Variants in LAPTM4B observed in about 807,000 individuals in gnomAD.
LAPTM4B encodes lysosomal protein transmembrane 4 beta, also known as lysosomal-associated transmembrane protein 4B.
LAPTM4B carries 26 observed loss-of-function variants against 28.5 expected under a neutral mutation model. The ratio of observed to expected loss-of-function variants is 0.91; its 90% CI spans 0.67 to 1.27. The LOEUF is 1.27. Ranked by LOEUF, LAPTM4B falls within the 50% of genes most tolerant of loss-of-function variation. LAPTM4B has a pLI of 0.00. For missense variants in LAPTM4B, 288 were observed against 285.8 expected, an observed-to-expected ratio of 1.01 and a Z score of -0.06; for synonymous variants, 109 against 106.4, an observed-to-expected ratio of 1.02 and a Z score of -0.15.
Position 97,846,844 on chromosome 8 carries a change from G to A in LAPTM4B, c.604-4553G>A, listed in dbSNP as rs1817441073. 3.9e-5 allele frequency among the ~76,000 whole-genome samples: 6 copies of A among 152,262 alleles called. No individual in the cohort carries two copies. In the South Asian group the frequency reaches 1.2e-3, roughly 32 times the overall value. On this transcript the variant is annotated intron_variant, in intron 6 of 6. Coordinates refer to ENST00000521545, the MANE Select transcript of LAPTM4B (RefSeq NM_018407.6). ...CAGACTGTTGGGATTATAGGCATGA[G>A]CTACTGTACCCAGCCAGTTTCCCCA...
intron 3 of LAPTM4B, among the ~76,000 whole-genome samples, chr8:97,815,670 G>C (rs1816900480): frequency 1.3e-5 from 2 of 151,996 alleles, no homozygotes; most frequent in Admixed American, 1.3e-4. Context: ...AAGTTCAAGT[G>C]ATTCTCCCAC....
intron 2 of LAPTM4B, 68 bp from the exon 3 acceptor site, chr8:97,815,233 TATTTACAAAATGCCTTTGAGAAGAGAC>T: frequency 1.2e-6 from 1 of 854,600 alleles, no homozygotes; most frequent in South Asian, 1.4e-5. Flanking sequence ...TATGCTAGTT[TATTTACAAAATGCCTTTGAGAAGAGAC>T]TGAAAGTATT....
In LAPTM4B at chr8:97,845,742, A is replaced by G. The variant is rs111793023; in HGVS notation, c.604-5655A>G. On this transcript the variant is annotated intron_variant, in intron 6 of 6. Coordinates refer to ENST00000521545, the MANE Select transcript of LAPTM4B (RefSeq NM_018407.6). ...ACATAGATGGAAAATTTGGCCTGCA[A>G]TTTCAGGGGACTGGTAGATCCTTGC... Among the ~76,000 whole-genome samples the G allele has an allele frequency of 2.2e-3, 328 of 152,078 alleles. 3 individuals are homozygous for G. Among genetic ancestry groups the G allele is most frequent in the African/African-American group, 7.5e-3 (311 of 41,488 alleles).
Position 97,851,871 on chromosome 8 carries a change from C to A in LAPTM4B, c.*397C>A. ...ATAGACAACTTTTTCTTCAGCCATT[C>A]CAGCATAGAGAACAAAACCTTATGG... On this transcript the variant is annotated 3_prime_UTR_variant, in exon 7 of 7. Transcript: ENST00000521545. 1 of 195,050 alleles carries A rather than the reference C, an allele frequency of 5.1e-6. No homozygotes were observed. Among genetic ancestry groups the A allele is most frequent in the Non-Finnish European group, 1.0e-5 (1 of 95,708 alleles). The allele number at this position is 195,050 out of a possible 1,614,324, so 12.1% of individuals were successfully genotyped here.
intron 6 of LAPTM4B, among the ~76,000 whole-genome samples, chr8:97,838,763 A>G (rs1357374664): frequency 6.6e-6 from 1 of 152,196 alleles, no homozygotes; most frequent in East Asian, 1.9e-4. Context: ...CTTCTCGAGT[A>G]CAGTCAGAAA....
chr8:97,781,325 G>A (rs1586317216), intron 1 of LAPTM4B, among the ~76,000 whole-genome samples: 1 of 101,902 alleles, frequency 9.8e-6, no homozygotes, highest in African/African-American at 4.0e-5. Context: ...TATTGCTCAG[G>A]CCGAAGTGCA....
At chr8:97,802,571 C>G (rs1280988476) in intron 1 of LAPTM4B, among the ~76,000 whole-genome samples, 1 of 152,114 alleles carries the variant, frequency 6.6e-6, no homozygotes, top group Non-Finnish European at 1.5e-5. Context: ...TCGGCATGGT[C>G]TTTGCGACCT....
rs188936435 is a variant in LAPTM4B, at chr8:97,849,246, G to A, written c.604-2151G>A. Among the ~76,000 whole-genome samples, 27 of 152,276 alleles carry A rather than the reference G, an allele frequency of 1.8e-4. No individual in the cohort carries two copies. The East Asian group carries it at 4.8e-3, about 27-fold the overall frequency. On this transcript the variant is annotated intron_variant, in intron 6 of 6. Coordinates refer to ENST00000521545, the MANE Select transcript of LAPTM4B (RefSeq NM_018407.6). Reference sequence around the variant, plus strand: ...TAGCCTAAATTGGTTGTCCTTGTCTGTTCTTTCCTAACTTGTCTGCATCCA... The same window carrying A: ...TAGCCTAAATTGGTTGTCCTTGTCTATTCTTTCCTAACTTGTCTGCATCCA...
At position 97,775,952 on chromosome 8, in the gene LAPTM4B, G is replaced by A. The variant is rs530968796; in HGVS notation, c.-58G>A. 1.3e-6 allele frequency: 2 copies of A among 1,506,512 alleles called. No individual in the cohort carries two copies. The highest frequency in any genetic ancestry group is 2.3e-5 in the Admixed American group (1 of 44,110). 93.3% of individuals were successfully genotyped at this position (1,506,512 alleles called of 1,614,324 possible). A position where few individuals can be genotyped will look rare whatever the true frequency, so the allele number is the denominator to read the frequency against. On this transcript the variant is annotated 5_prime_UTR_variant, in exon 1 of 7. Transcript: ENST00000521545. ...AGCAGCGGCGCGGCGGGCTCCAGGC[G>A]AGGCGGTCGACGCTCCTGAAAACTT...
At chr8:97,789,159 C>T (rs187372878) in intron 1 of LAPTM4B, among the ~76,000 whole-genome samples, 149 of 148,982 alleles carry the variant, frequency 1.0e-3, no homozygotes, top group African/African-American at 3.6e-3. Context: ...CTGCAACCTC[C>T]GCCTCCCAGG....
chr8:97,785,793 C>T (rs1290267746), intron 1 of LAPTM4B, among the ~76,000 whole-genome samples: 6 of 152,218 alleles, frequency 3.9e-5, no homozygotes, highest in Non-Finnish European at 8.8e-5. Context: ...CAATCAGTTT[C>T]AACAGTTGAA....
At chr8:97,778,969 A>G (rs1415296731) in intron 1 of LAPTM4B, among the ~76,000 whole-genome samples, 3 of 152,180 alleles carry the variant, frequency 2.0e-5, no homozygotes, top group African/African-American at 4.8e-5. Context: ...GAGCAGGACC[A>G]CTGTAAAACG....
At chr8:97,813,812 G>A (rs775995516) in intron 2 of LAPTM4B, among the ~76,000 whole-genome samples, 21 of 152,080 alleles carry the variant, frequency 1.4e-4, no homozygotes, top group African/African-American at 2.2e-4. Context: ...GATCTCTGTC[G>A]AAAAAATGCA....
intron 2 of LAPTM4B, among the ~76,000 whole-genome samples, chr8:97,808,334 C>T (rs1275048878): frequency 2.0e-5 from 3 of 151,958 alleles, no homozygotes; most frequent in African/African-American, 7.2e-5. Context: ...GTAATCCCAG[C>T]TACTCAGGAG....
chr8:97,805,978 C>T (rs1215301858), intron 2 of LAPTM4B, among the ~76,000 whole-genome samples: 1 of 152,098 alleles, frequency 6.6e-6, no homozygotes, highest in African/African-American at 2.4e-5. Flanking sequence ...ACTGCAGCCT[C>T]ATCATTTTAT....
intron 6 of LAPTM4B, among the ~76,000 whole-genome samples, chr8:97,842,903 G>A (rs1232039724): frequency 6.6e-6 from 1 of 150,420 alleles, no homozygotes; most frequent in East Asian, 2.0e-4. Context: ...TTTAAAGACA[G>A]AGTCTCACGC....
Position 97,775,892 on chromosome 8 carries a change from A to AGCGGGCC in LAPTM4B, c.-116_-110dup. The AGCGGGCC allele has an allele frequency of 6.9e-7, 1 of 1,457,042 alleles. No individual in the cohort carries two copies. Among genetic ancestry groups the AGCGGGCC allele is most frequent in the Non-Finnish European group, 9.0e-7 (1 of 1,110,996 alleles). 90.3% of individuals were successfully genotyped at this position (1,457,042 alleles called of 1,614,324 possible). The stretch of plus-strand genomic sequence containing the variant: ...AGGCAGGCCCGCGGGCGCACGGGCG[A>AGCGGGCC]GCGGGCCGGGAGCCGGAGCGGCGGA... On this transcript the variant is annotated 5_prime_UTR_variant, in exon 1 of 7. Transcript: ENST00000521545.
intron 6 of LAPTM4B, among the ~76,000 whole-genome samples, chr8:97,843,142 A>C (rs895977193): frequency 1.3e-5 from 2 of 151,932 alleles, no homozygotes; most frequent in South Asian, 4.2e-4. Flanking sequence ...CTGCCTCCCA[A>C]AGTGTTAGGA....
chr8:97,776,136 C>G (rs771729760), intron 1 of LAPTM4B, 28 bp downstream of exon 1: 1 of 1,484,356 alleles, frequency 6.7e-7, no homozygotes, highest in South Asian at 1.2e-5. Flanking sequence ...GGCCCGGGAC[C>G]CTGCGTTGCT....
Sources: gnomAD v4.1 joint callset for allele counts (sites outside exome capture counted in the v4.1 genomes callset) on GRCh38, gnomAD v4.1.1 for gene constraint, MANE v1.5 for transcripts, NCBI Gene and HGNC (gene_info 2026-07-23, HGNC 2026-07-21) for gene names.